Variants in AMN1 observed in about 807,000 individuals in gnomAD.
AMN1 encodes the protein antagonist of mitotic exit network 1 homolog.
A neutral mutation model predicts 33.0 loss-of-function variants in AMN1; 20 were observed. The observed-to-expected ratio is 0.61, with a 90% CI of 0.43 to 0.88. The LOEUF is 0.88. AMN1 is among the 40% of genes least tolerant of loss of function. The pLI is 0.00. For synonymous variants in AMN1, 114 were observed against 111.9 expected, an observed-to-expected ratio of 1.02 and a Z score of -0.12; for missense variants, 246 against 307.4, an observed-to-expected ratio of 0.80 and a Z score of 1.49.
At chr12:31,682,398 G>A (rs1300340726) in intron 6 of AMN1, among the ~76,000 whole-genome samples, 2 of 152,102 alleles carry the variant, frequency 1.3e-5, no homozygotes, top group East Asian at 3.9e-4. Context: ...ACCTTCCAAA[G>A]GCAGCGACAG....
intron 5 of AMN1, 146 bp from the exon 6 acceptor site, chr12:31,689,264 G>T (rs574206480): frequency 8.6e-5 from 53 of 613,052 alleles, no homozygotes; most frequent in Non-Finnish European, 1.3e-4. Flanking sequence ...ATATAAGTCT[G>T]AAGTAATTTG....
intron 1 of AMN1, among the ~76,000 whole-genome samples, chr12:31,714,189 C>T (rs899560914): frequency 1.1e-4 from 16 of 152,018 alleles, no homozygotes; most frequent in African/African-American, 1.9e-4. Context: ...ATAGCTTTTA[C>T]GGCAGGAAAG....
At chr12:31,685,078 G>A (rs1219285983) in intron 6 of AMN1, among the ~76,000 whole-genome samples, 1 of 150,094 alleles carries the variant, frequency 6.7e-6, no homozygotes, top group Non-Finnish European at 1.5e-5. Flanking sequence ...GCCCAGGCTG[G>A]AGTGCAGTGC....
intron 6 of AMN1, 35 bp downstream of exon 6, chr12:31,688,972 C>A (rs374256869): frequency 1.1e-4 from 161 of 1,416,794 alleles, no homozygotes; most frequent in Non-Finnish European, 1.5e-4. Context: ...AAAGATGAAG[C>A]CAGAATTTGA....
At chr12:31,719,611 G>A (rs918711498) in intron 1 of AMN1, among the ~76,000 whole-genome samples, 8 of 152,096 alleles carry the variant, frequency 5.3e-5, no homozygotes, top group African/African-American at 1.9e-4. Context: ...TCAAATGTTG[G>A]TCAAGATGGT....
intron 6 of AMN1, among the ~76,000 whole-genome samples, chr12:31,684,796 T>C (rs1433246394): frequency 6.6e-6 from 1 of 152,130 alleles, no homozygotes; most frequent in East Asian, 1.9e-4. Context: ...TTTTTAAGAA[T>C]GTAAATGGGT....
Position 31,709,413 on chromosome 12 carries a change from G to A in AMN1, c.51C>T (p.Cys17=). Reference sequence around the variant, plus strand: ...GATATCTGGAAATATTCTTCATGAAGCACCAAAGGCATCTGAAATACAAAT... The same window carrying A: ...GATATCTGGAAATATTCTTCATGAAACACCAAAGGCATCTGAAATACAAAT... ...VSQLLDLCLW[C]FMKNISRYLT... Residue 17 remains cysteine (C), a synonymous_variant, in exon 2 of 7, where the codon TGC becomes TGT. Transcript: ENST00000281471. 6.2e-7 allele frequency: 1 copy of A among 1,612,394 alleles called. No homozygotes were observed.
At chr12:31,690,932 G>A (rs565225472) in intron 5 of AMN1, among the ~76,000 whole-genome samples, 7 of 152,024 alleles carry the variant, frequency 4.6e-5, no homozygotes, top group African/African-American at 1.2e-4. Flanking sequence ...TCAGGAGACC[G>A]AGACCATCCT....
At position 31,708,449 on chromosome 12, in the gene AMN1, G is replaced by A. The variant is rs189799638; in HGVS notation, c.171+844C>T. On this transcript the variant is annotated intron_variant, in intron 2 of 6. Coordinates refer to ENST00000281471, the MANE Select transcript of AMN1 (RefSeq NM_001113402.2). ...GAGGTCAGACTGGTTCTCTGCTCTC[G>A]AACCGTTTTCTGTTAAGATGTTTAT... 1.1e-3 allele frequency: 169 copies of A among 152,352 alleles called. 1 individual carries two copies. Among genetic ancestry groups the A allele is most frequent in the African/African-American group, 4.0e-3 (165 of 41,556 alleles). 9.4% of individuals were successfully genotyped at this position (152,352 alleles called of 1,614,324 possible).
intron 6 of AMN1, chr12:31,673,588 TAGA>T (rs1163093403): frequency 1.7e-5 from 7 of 416,590 alleles, no homozygotes; most frequent in African/African-American, 6.2e-5. Context: ...TGGGTGGCTA[TAGA>T]AGAAGGGGGA....
At chr12:31,714,805 T>C (rs1315276366) in intron 1 of AMN1, 6 of 498,244 alleles carry the variant, frequency 1.2e-5, no homozygotes, top group Non-Finnish European at 1.6e-5. Context: ...CAGTAATGTG[T>C]ATGCTGGTTA....
At position 31,728,995 on chromosome 12, in the gene AMN1, C is replaced by G; in HGVS notation, c.14G>C (p.Arg5Pro). ...CAGATCCAGGAGCTGACTGACCCGC[C>G]GTGGGCGAGGCATCGCTGCAGCGTC... MPRP[R>P]RVSQLLDLCL... The change falls in exon 1 of 7, where the codon CGG (arginine) becomes CCG (proline). Residue 5 changes from arginine to proline, a missense_variant. Coordinates refer to ENST00000281471, the MANE Select transcript of AMN1 (RefSeq NM_001113402.2). The G allele has an allele frequency of 3.9e-6, 6 of 1,545,222 alleles. No individual in the cohort carries two copies. Among genetic ancestry groups the G allele is most frequent in the Non-Finnish European group, 5.3e-6 (6 of 1,142,668 alleles).
chr12:31,728,420 AT>A (rs1565786097), intron 1 of AMN1, among the ~76,000 whole-genome samples: 2 of 152,118 alleles, frequency 1.3e-5, no homozygotes, highest in South Asian at 2.1e-4. Context: ...TATCACAAAA[AT>A]TTTATAGATA....
chr12:31,727,924 G>T (rs187994783), intron 1 of AMN1, among the ~76,000 whole-genome samples: 2 of 152,078 alleles, frequency 1.3e-5, no homozygotes, highest in Non-Finnish European at 2.9e-5. Context: ...TACATGCCGC[G>T]GTTTTGCCGT....
chr12:31,710,656 ACT>A (rs893579185), intron 1 of AMN1, among the ~76,000 whole-genome samples: 10 of 151,862 alleles, frequency 6.6e-5, no homozygotes, highest in African/African-American at 2.4e-4. Flanking sequence ...ACTTTTATAC[ACT>A]GTCTTTCATT....
At chr12:31,710,376 T>C (rs1411785694) in intron 1 of AMN1, among the ~76,000 whole-genome samples, 1 of 152,180 alleles carries the variant, frequency 6.6e-6, no homozygotes, top group Non-Finnish European at 1.5e-5. Flanking sequence ...ATATACAAAA[T>C]TTTACATTCA....
rs114931579 is a variant in AMN1, at chr12:31,673,618, T to G, written c.704-1241A>C. The G allele has an allele frequency of 4.1e-3, 1,780 of 433,612 alleles. 24 individuals are homozygous for G. The highest frequency in any genetic ancestry group is 0.033 in the African/African-American group (1,604 of 49,186). The allele number at this position is 433,612 out of a possible 1,614,324, so 26.9% of individuals were successfully genotyped here. A position where few individuals can be genotyped will look rare whatever the true frequency, so the allele number is the denominator to read the frequency against. Reference sequence around the variant, plus strand: ...GAAGGGGGAAACACTTTCCAACTCTTTCTGTGAGGCCAGTGTTACCCTGAT... The same window carrying G: ...GAAGGGGGAAACACTTTCCAACTCTGTCTGTGAGGCCAGTGTTACCCTGAT... On this transcript the variant is annotated intron_variant, in intron 6 of 6. Coordinates refer to ENST00000281471, the MANE Select transcript of AMN1 (RefSeq NM_001113402.2).
chr12:31,721,055 T>C (rs919713754), intron 1 of AMN1, among the ~76,000 whole-genome samples: 9 of 152,194 alleles, frequency 5.9e-5, no homozygotes, highest in Non-Finnish European at 1.0e-4. Flanking sequence ...ATTTATTTGG[T>C]TGAGCCACAG....
chr12:31,703,754 T>C (rs1366375149), intron 2 of AMN1, among the ~76,000 whole-genome samples: 1 of 152,230 alleles, frequency 6.6e-6, no homozygotes, highest in Non-Finnish European at 1.5e-5. Flanking sequence ...TGTATATTAT[T>C]CCATTTTCTG....
Sources: allele counts gnomAD v4.1 joint callset (sites outside exome capture counted in the v4.1 genomes callset), GRCh38; gene constraint gnomAD v4.1.1; transcripts MANE v1.5; gene names NCBI Gene and HGNC (gene_info 2026-07-23, HGNC 2026-07-21).